The following LRTM3 variants were observed in gnomAD, a reference collection of about 807,000 sequenced individuals.
LRTM3 encodes leucine-rich repeat transmembrane protein 3.
chr13:102,755,228 C>T, the LRTM3 span, among the ~76,000 whole-genome samples: 1 of 151,376 alleles, frequency 6.6e-6, no homozygotes, highest in Admixed American at 6.6e-5. Flanking sequence ...CCCCCAGCTA[C>T]CCCCTTTCTC....
the LRTM3 span, chr13:102,733,029 T>C: frequency 1.3e-6 from 2 of 1,551,442 alleles, no homozygotes; most frequent in Non-Finnish European, 1.7e-6. Flanking sequence ...ATCTCTGTCA[T>C]ATCCATGTGT....
the LRTM3 span, chr13:102,730,831 G>T: frequency 6.4e-7 from 1 of 1,551,488 alleles, no homozygotes; most frequent in Non-Finnish European, 8.7e-7. Flanking sequence ...GAAAACGAAG[G>T]TATTTGTATT....
the LRTM3 span, chr13:102,735,436 T>G: frequency 6.4e-7 from 1 of 1,551,352 alleles, no homozygotes. Flanking sequence ...GTCCTTCTGT[T>G]GTATCAAACT....
chr13:102,734,095 C>T, the LRTM3 span: 1 of 1,551,342 alleles, frequency 6.4e-7, no homozygotes, highest in East Asian at 2.4e-5. Context: ...CTTTTTTCTC[C>T]AGTTTGTTAA....
chr13:102,756,034 A>G, the LRTM3 span, among the ~76,000 whole-genome samples: 3 of 148,808 alleles, frequency 2.0e-5, no homozygotes, highest in Non-Finnish European at 4.4e-5. Flanking sequence ...ATCTCGTCTC[A>G]CTGCAACCTC....
the LRTM3 span, chr13:102,749,788 AT>A: frequency 6.4e-7 from 1 of 1,551,382 alleles, no homozygotes; most frequent in Non-Finnish European, 8.7e-7. Flanking sequence ...TCTGAAAAGC[AT>A]TTTGTCCTGG....
chr13:102,758,669 T>C, the LRTM3 span: 1 of 1,516,840 alleles, frequency 6.6e-7, no homozygotes, highest in Non-Finnish European at 8.9e-7. Flanking sequence ...TTTTGAAAAC[T>C]AGGAAAAGGG....
At chr13:102,740,449 C>T in the LRTM3 span, 2 of 1,550,130 alleles carry the variant, frequency 1.3e-6, no homozygotes, top group East Asian at 4.9e-5. Flanking sequence ...TTAAATGTTG[C>T]AGGAGACAGG....
At chr13:102,734,512 C>T in the LRTM3 span, 2 of 1,551,312 alleles carry the variant, frequency 1.3e-6, no homozygotes, top group South Asian at 1.2e-5. Flanking sequence ...TTCTGTGGAG[C>T]ATACAGGAAC....
the LRTM3 span, chr13:102,746,036 C>T: frequency 6.4e-7 from 1 of 1,551,104 alleles, no homozygotes; most frequent in Non-Finnish European, 8.7e-7. Context: ...AATCTTAGGA[C>T]CTCCAAGGAC....
At chr13:102,755,892 C>T in the LRTM3 span, among the ~76,000 whole-genome samples, 3 of 106,854 alleles carry the variant, frequency 2.8e-5, no homozygotes, top group Non-Finnish European at 4.0e-5. Context: ...TATATGTATA[C>T]ACATATATAT....
chr13:102,736,005 TG>T, the LRTM3 span: 7 of 1,550,008 alleles, frequency 4.5e-6, no homozygotes, highest in Middle Eastern at 6.7e-4. Context: ...TGTATCCTTT[TG>T]GGGAGTATTC....
At chr13:102,739,998 C>A in the LRTM3 span, 3 of 1,550,310 alleles carry the variant, frequency 1.9e-6, no homozygotes. Context: ...CATATCACGC[C>A]TTTCCTAATA....
chr13:102,742,286 A>G, the LRTM3 span: 2 of 1,550,000 alleles, frequency 1.3e-6, no homozygotes, highest in African/African-American at 1.4e-5. Flanking sequence ...CTTCAATTTT[A>G]TCTGTTTGGT....
chr13:102,733,591 T>C, the LRTM3 span: 1 of 1,551,306 alleles, frequency 6.4e-7, no homozygotes, highest in African/African-American at 1.4e-5. Context: ...TTGCATCCAT[T>C]GTGGGATAGG....
the LRTM3 span, chr13:102,748,665 GT>G: frequency 1.3e-6 from 2 of 1,550,268 alleles, no homozygotes; most frequent in Admixed American, 2.0e-5. Context: ...AGATCAAATG[GT>G]TTTTTACTAT....
At chr13:102,735,228 G>C in the LRTM3 span, 1 of 1,551,128 alleles carries the variant, frequency 6.4e-7, no homozygotes. Flanking sequence ...ATTTTGTTGG[G>C]ATCCAGTACA....
the LRTM3 span, chr13:102,733,893 C>T: frequency 7.9e-5 from 122 of 1,551,210 alleles, 1 homozygote; most frequent in Non-Finnish European, 1.0e-4. Flanking sequence ...ACGCCTTCAA[C>T]TGAGTCTCTA....
chr13:102,740,945 A>G, the LRTM3 span: 1 of 1,550,122 alleles, frequency 6.5e-7, no homozygotes, highest in Non-Finnish European at 8.7e-7. Flanking sequence ...TCTTCCTTTA[A>G]TATTCAAATG....
Sources: gnomAD v4.1 joint callset for allele counts (sites outside exome capture counted in the v4.1 genomes callset) on GRCh38, gnomAD v4.1.1 for gene constraint, MANE v1.5 for transcripts, NCBI Gene and HGNC (gene_info 2026-07-23, HGNC 2026-07-21) for gene names.